DMD: variants seen among roughly 807,000 people sequenced by gnomAD.
DMD encodes the protein dystrophin, also known as mutant dystrophin.
A neutral mutation model predicts 330.1 loss-of-function variants in DMD; 63 were observed. The observed-to-expected ratio is 0.19, with a 90% confidence interval of 0.16 to 0.24. The LOEUF is 0.24. Among genes scored for constraint, DMD ranks in the 10% least tolerant of loss-of-function variants. The pLI, the probability that DMD is intolerant of heterozygous loss-of-function variation, is 1.00. For synonymous variants in DMD, 1,223 were observed against 959.8 expected (o/e 1.27, Z -5.07); for missense variants, 3,344 against 2,684.1 (o/e 1.25, Z -5.43).
At chrX:33,048,867 A>G (rs1199872518) in intron 1 of DMD, among the ~76,000 whole-genome samples, 1 of 110,577 alleles carries the variant, frequency 9.0e-6, no homozygotes, top group Non-Finnish European at 1.9e-5. Flanking sequence ...CAGAATGTGT[A>G]ATTAGGATGT....
At position 33,010,307 on chromosome X, in the gene DMD, T is replaced by C. The variant is rs1602677768; in HGVS notation, c.93+9832A>G. Among the ~76,000 whole-genome samples, 4 of 107,953 alleles carry C rather than the reference T, an allele frequency of 3.7e-5. No individual in the cohort carries two copies. In the South Asian group the frequency reaches 1.5e-3, roughly 42 times the overall value. 93.7% of individuals were successfully genotyped at this position (107,953 alleles called of 115,157 possible). On this transcript the variant is annotated intron_variant, in intron 2 of 78. Coordinates refer to ENST00000357033, the MANE Select transcript of DMD (RefSeq NM_004006.3). ...ATATGTGTGTAAATATGTATATATG[T>C]ACATATATGTGTATAAATATGTATA...
At chrX:31,364,168 G>A (rs914710699) in intron 60 of DMD, among the ~76,000 whole-genome samples, 8 of 112,449 alleles carry the variant, frequency 7.1e-5, no homozygotes, top group African/African-American at 2.6e-4. Context: ...GTTCAATTCT[G>A]CTTCCACCCC....
chrX:32,842,303 G>C (rs767676598), intron 4 of DMD, among the ~76,000 whole-genome samples: 29 of 112,292 alleles, frequency 2.6e-4, no homozygotes, highest in African/African-American at 7.1e-4. Context: ...TCAGGCCCTC[G>C]CCAGAGATAA....
chrX:32,597,004 C>T (rs764240567), intron 12 of DMD, among the ~76,000 whole-genome samples: 1 of 111,763 alleles, frequency 8.9e-6, no homozygotes, highest in East Asian at 2.8e-4. Flanking sequence ...TAGCACCTGA[C>T]TACCTCACCA....
intron 2 of DMD, among the ~76,000 whole-genome samples, chrX:32,987,822 T>A (rs912326735): frequency 1.8e-5 from 2 of 109,980 alleles, no homozygotes; most frequent in African/African-American, 3.3e-5. Flanking sequence ...ACAAAAGCCA[T>A]AACTTGTATA....
intron 44 of DMD, among the ~76,000 whole-genome samples, chrX:32,065,902 C>T (rs2096256919): frequency 9.0e-6 from 1 of 111,424 alleles, no homozygotes; most frequent in Non-Finnish European, 1.9e-5. Flanking sequence ...TTTTCAATAA[C>T]AAATTTCACA....
intron 1 of DMD, among the ~76,000 whole-genome samples, chrX:33,319,786 A>C (rs2053988123): frequency 8.9e-6 from 1 of 112,209 alleles, no homozygotes; most frequent in South Asian, 3.7e-4. Flanking sequence ...AGATGTGTTC[A>C]TAACAGTTTC....
At chrX:32,056,359 A>C (rs373115453) in intron 44 of DMD, among the ~76,000 whole-genome samples, 1 of 106,681 alleles carries the variant, frequency 9.4e-6, no homozygotes, top group Non-Finnish European at 1.9e-5. Context: ...AAACAAATCA[A>C]TAAAATTGAC....
rs201289934 is a variant in DMD, at chrX:32,784,191, A to T, written c.649+25302T>A. Among the ~76,000 whole-genome samples, 19 of 112,018 alleles carry T rather than the reference A, an allele frequency of 1.7e-4. No homozygotes were observed. The East Asian group carries it at 5.3e-3, about 31-fold the overall frequency. ...CTCCCTTATGTATTTTATTGGCAAT[A>T]TATGTTACCTTTATAGAGAAGCAGC... On this transcript the variant is annotated intron_variant, in intron 7 of 78. Coordinates refer to ENST00000357033, the MANE Select transcript of DMD (RefSeq NM_004006.3).
At chrX:33,206,737 T>C (rs2051595250) in intron 1 of DMD, among the ~76,000 whole-genome samples, 1 of 111,562 alleles carries the variant, frequency 9.0e-6, no homozygotes, top group East Asian at 2.8e-4. Flanking sequence ...CAGAGTTGAA[T>C]AGAAATTATC....
At chrX:32,674,554 C>G (rs778163162) in intron 9 of DMD, among the ~76,000 whole-genome samples, 1 of 111,261 alleles carries the variant, frequency 9.0e-6, no homozygotes, top group African/African-American at 3.3e-5. Flanking sequence ...ACTCTCAGTT[C>G]TAGATATGCG....
intron 18 of DMD, among the ~76,000 whole-genome samples, chrX:32,508,207 CACAT>C (rs1314032446): frequency 2.7e-5 from 3 of 110,996 alleles, no homozygotes; most frequent in Non-Finnish European, 3.8e-5. Context: ...CATAAAGAGA[CACAT>C]AGACCCCAGA....
At chrX:32,231,207 C>T (rs1202947531) in intron 43 of DMD, among the ~76,000 whole-genome samples, 2 of 112,346 alleles carry the variant, frequency 1.8e-5, no homozygotes, top group Admixed American at 9.5e-5. Flanking sequence ...AAAAATTTAA[C>T]TTACTTTTTT....
At chrX:31,524,844 G>T (rs1381801337) in intron 55 of DMD, among the ~76,000 whole-genome samples, 1 of 111,694 alleles carries the variant, frequency 9.0e-6, no homozygotes, top group African/African-American at 3.3e-5. Flanking sequence ...AAGTGTGATT[G>T]CTAGAAAAGT....
intron 2 of DMD, among the ~76,000 whole-genome samples, chrX:32,995,639 T>A (rs921171275): frequency 8.9e-6 from 1 of 112,223 alleles, no homozygotes; most frequent in African/African-American, 3.2e-5. Context: ...TACCCTGAGA[T>A]AGGCCAAGTG....
intron 11 of DMD, among the ~76,000 whole-genome samples, chrX:32,642,722 A>G (rs958429550): frequency 8.9e-6 from 1 of 111,959 alleles, no homozygotes; most frequent in African/African-American, 3.2e-5. Context: ...CAATTAATTA[A>G]CTGATTAGTA....
chrX:31,472,000 C>T (rs958567816), intron 59 of DMD, among the ~76,000 whole-genome samples: 1 of 112,010 alleles, frequency 8.9e-6, no homozygotes, highest in South Asian at 3.7e-4. Context: ...CATATTTAAC[C>T]CAGATTTATG....
At chrX:32,986,442 A>G (rs770848682) in intron 2 of DMD, among the ~76,000 whole-genome samples, 18 of 112,235 alleles carry the variant, frequency 1.6e-4, no homozygotes, top group Non-Finnish European at 2.8e-4. Flanking sequence ...GAAAAAAATT[A>G]TGTCATCATT....
At chrX:32,329,849 AAC>A (rs1348941485) in intron 41 of DMD, among the ~76,000 whole-genome samples, 1 of 112,682 alleles carries the variant, frequency 8.9e-6, no homozygotes, top group African/African-American at 3.2e-5. Context: ...TATCCAGAAA[AAC>A]AGTTAACAAT....
Sources: gnomAD v4.1 joint callset for allele counts (sites outside exome capture counted in the v4.1 genomes callset) on GRCh38, gnomAD v4.1.1 for gene constraint, MANE v1.5 for transcripts, NCBI Gene and HGNC (gene_info 2026-07-23, HGNC 2026-07-21) for gene names.